The following CYTH3 variants were observed in gnomAD, a reference collection of about 807,000 sequenced individuals.
CYTH3 encodes cytohesin 3.
CYTH3 carries 23 observed loss-of-function variants against 55.1 expected under a neutral mutation model. The ratio of observed to expected loss-of-function variants is 0.42; its 90% CI spans 0.30 to 0.59. CYTH3 has a LOEUF of 0.59. Among genes scored for constraint, CYTH3 ranks in the 20% least tolerant of loss-of-function variants. The pLI, the probability that CYTH3 is intolerant of heterozygous loss-of-function variation, is 0.20. For synonymous variants in CYTH3, 249 were observed against 194.9 expected (o/e 1.28, Z -2.31); for missense variants, 413 against 524.8 (o/e 0.79, Z 2.08).
At chr7:6,223,293 G>A (rs2128552032) in intron 1 of CYTH3, among the ~76,000 whole-genome samples, 1 of 152,306 alleles carries the variant, frequency 6.6e-6, no homozygotes, top group Admixed American at 6.5e-5. Context: ...GAGCGCCTCT[G>A]CCAGGCCGCC....
chr7:6,263,925 A>T (rs775772564), intron 1 of CYTH3, among the ~76,000 whole-genome samples: 1 of 152,180 alleles, frequency 6.6e-6, no homozygotes, highest in Non-Finnish European at 1.5e-5. Flanking sequence ...GATTACATAC[A>T]GTGTGATCTC....
chr7:6,166,637 A>C (rs944377676), intron 9 of CYTH3, among the ~76,000 whole-genome samples: 4 of 152,158 alleles, frequency 2.6e-5, no homozygotes, highest in Admixed American at 2.0e-4. Flanking sequence ...ACCAGGACAC[A>C]GGGGGCTTTC....
chr7:6,218,798 A>G (rs147655459), intron 1 of CYTH3, among the ~76,000 whole-genome samples: 2,019 of 152,238 alleles, frequency 0.013, 26 homozygotes, highest in Middle Eastern at 0.058. Context: ...CGAGGTCAGG[A>G]GATCGAGACC....
At chr7:6,189,365 C>A (rs1783739734) in intron 2 of CYTH3, among the ~76,000 whole-genome samples, 1 of 151,984 alleles carries the variant, frequency 6.6e-6, no homozygotes, top group Non-Finnish European at 1.5e-5. Flanking sequence ...CCGCAGTACA[C>A]TGGCACAATC....
At chr7:6,208,508 G>C (rs912246030) in intron 1 of CYTH3, among the ~76,000 whole-genome samples, 1 of 152,080 alleles carries the variant, frequency 6.6e-6, no homozygotes, top group Non-Finnish European at 1.5e-5. Context: ...CTTGGCAAAA[G>C]TACTTCATTC....
intron 1 of CYTH3, among the ~76,000 whole-genome samples, chr7:6,234,117 A>T (rs1002374519): frequency 2.6e-5 from 4 of 152,214 alleles, no homozygotes; most frequent in African/African-American, 9.7e-5. Flanking sequence ...TTACAACATC[A>T]TATCATTATC....
chr7:6,192,856 T>C (rs1347801476), intron 1 of CYTH3, among the ~76,000 whole-genome samples: 1 of 151,604 alleles, frequency 6.6e-6, no homozygotes, highest in East Asian at 2.0e-4. Flanking sequence ...TTAAAAGACA[T>C]AACAACTCCG....
chr7:6,171,359 C>G lies in CYTH3; in HGVS notation c.450-45G>C. Reference sequence around the variant, plus strand: ...ATGGGAAGCCGCATCAGAACCAACACCGCCTCACGGCCAAGGGCGGCTTCT... The same window carrying G: ...ATGGGAAGCCGCATCAGAACCAACAGCGCCTCACGGCCAAGGGCGGCTTCT... On this transcript the variant is annotated intron_variant, in intron 6 of 12. Transcript: ENST00000350796. This position sits in a 1 kb window ranked among gnomAD's most constrained non-coding sequence, Gnocchi z 6.7. 6.3e-7 allele frequency: 1 copy of G among 1,588,428 alleles called. No homozygotes were observed. Among genetic ancestry groups the G allele is most frequent in the East Asian group, 2.2e-5 (1 of 44,690 alleles).
chr7:6,179,226 G>C (rs561517677), intron 4 of CYTH3, among the ~76,000 whole-genome samples: 1 of 152,292 alleles, frequency 6.6e-6, no homozygotes, highest in Admixed American at 6.5e-5. Context: ...TCACAAGAAT[G>C]AATCTCACAG....
intron 9 of CYTH3, among the ~76,000 whole-genome samples, chr7:6,166,585 C>A (rs920499765): frequency 6.6e-6 from 1 of 152,170 alleles, no homozygotes; most frequent in Admixed American, 6.5e-5. Context: ...GGCGCTGAGG[C>A]CTGGAGGCAA....
chr7:6,258,125 G>C (rs1780176836), intron 1 of CYTH3, among the ~76,000 whole-genome samples: 1 of 151,892 alleles, frequency 6.6e-6, no homozygotes, highest in Admixed American at 6.6e-5. Context: ...AATATTTTTT[G>C]TTTCTTTGGT....
chr7:6,237,019 T>A (rs1779541237), intron 1 of CYTH3, among the ~76,000 whole-genome samples: 1 of 152,222 alleles, frequency 6.6e-6, no homozygotes, highest in African/African-American at 2.4e-5. Context: ...GCATTTCTTT[T>A]CACAACGGCT....
chr7:6,188,348 C>T (rs528570952), intron 2 of CYTH3, among the ~76,000 whole-genome samples: 1 of 140,930 alleles, frequency 7.1e-6, no homozygotes, highest in South Asian at 2.2e-4. Context: ...TTAAAAAAAA[C>T]AAAAAAACAA....
intron 1 of CYTH3, among the ~76,000 whole-genome samples, chr7:6,259,012 A>C (rs949585933): frequency 2.3e-4 from 35 of 152,240 alleles, no homozygotes; most frequent in African/African-American, 7.7e-4. Context: ...CCTTCAGAGA[A>C]TTCTCAGAGG....
At chr7:6,224,463 C>T (rs551840288) in intron 1 of CYTH3, among the ~76,000 whole-genome samples, 1 of 152,302 alleles carries the variant, frequency 6.6e-6, no homozygotes, top group Admixed American at 6.5e-5. Flanking sequence ...AGGGTCTAGA[C>T]CCCTACCTTA....
At chr7:6,230,373 C>T (rs866952109) in intron 1 of CYTH3, among the ~76,000 whole-genome samples, 15 of 152,230 alleles carry the variant, frequency 9.9e-5, no homozygotes, top group East Asian at 5.8e-4. Flanking sequence ...TACCTATTCC[C>T]GTTCTACCGC....
At chr7:6,176,427 A>T (rs1039074231) in intron 5 of CYTH3, among the ~76,000 whole-genome samples, 18 of 151,476 alleles carry the variant, frequency 1.2e-4, no homozygotes, top group African/African-American at 4.4e-4. Context: ...ACACCCAGCC[A>T]ATTTTTTGTG....
rs1783157455 is a variant in CYTH3 at position 6,170,712 on chromosome 7, C to T, written c.712-66G>A. 5 of 1,578,418 alleles carry T rather than the reference C, an allele frequency of 3.2e-6. No individual in the cohort carries two copies. The South Asian group carries it at 3.4e-5, about 11-fold the overall frequency. On this transcript the variant is annotated intron_variant, in intron 8 of 12. Coordinates refer to ENST00000350796, the MANE Select transcript of CYTH3 (RefSeq NM_004227.4). This position sits in a 1 kb window ranked among gnomAD's most constrained non-coding sequence, Gnocchi z 7.8. ...GGAAAATGGCTGGCCGGGCAGAAAG[C>T]TCAGCGGGACCAGGGCGGCAAGGAG...
At position 6,222,775 on chromosome 7, in the gene CYTH3, C is replaced by CAA. The variant is rs546893821; in HGVS notation, c.35-32246_35-32245dup. Among the ~76,000 whole-genome samples the CAA allele has an allele frequency of 3.7e-3, 527 of 142,542 alleles. 3 individuals carry two copies. Among genetic ancestry groups the CAA allele is most frequent in the Admixed American group, 4.3e-3 (62 of 14,262 alleles). The allele number at this position is 142,542 out of a possible 152,430, so 93.5% of individuals were successfully genotyped here. A position where few individuals can be genotyped will look rare whatever the true frequency, so the allele number is the denominator to read the frequency against. On this transcript the variant is annotated intron_variant, in intron 1 of 12. Transcript: ENST00000350796. ...AAAAAAAAAACAAAACCCAAAAAAG[C>CAA]AAAAAAAAAACTGAACCAATTTTAT...
Sources: allele counts gnomAD v4.1 joint callset (sites outside exome capture counted in the v4.1 genomes callset), GRCh38; gene constraint gnomAD v4.1.1; non-coding constraint Gnocchi (gnomAD v3.1); transcripts MANE v1.5; gene names NCBI Gene and HGNC (gene_info 2026-07-23, HGNC 2026-07-21).